Variants in DENND5A observed in about 807,000 individuals in gnomAD.
DENND5A encodes the protein DENN domain containing 5A, also known as DENN domain-containing protein 5A.
Under a neutral mutation model 140.3 loss-of-function variants are expected in DENND5A, and 64 were observed. The observed-to-expected ratio is 0.46, with a 90% CI of 0.37 to 0.56. The LOEUF (loss-of-function observed/expected upper bound fraction) is 0.56. DENND5A is among the 20% of genes least tolerant of loss of function. DENND5A has a pLI of 0.00. For missense variants in DENND5A, 1,292 were observed against 1,593.8 expected, an observed-to-expected ratio of 0.81 and a Z score of 3.22; for synonymous variants, 605 against 607.7, an observed-to-expected ratio of 1.00 and a Z score of 0.07.
rs772665845 is a variant in DENND5A, at chr11:9,144,185, C to G, written c.3216G>C (p.Val1072=). Residue 1072 remains valine (V), a synonymous_variant, in exon 19 of 23, where the codon GTG becomes GTC. Coordinates refer to ENST00000328194, the MANE Select transcript of DENND5A (RefSeq NM_015213.4). ...VGELLTSQPE[V]DERPCRTPPL... ...GCGGGGTCCGGCATGGCCTCTCATCCACCTCAGGCTGGGATGTGAGCAGCT... is the reference window on the plus strand; with the variant it reads ...GCGGGGTCCGGCATGGCCTCTCATCGACCTCAGGCTGGGATGTGAGCAGCT... 3.1e-6 allele frequency: 5 copies of G among 1,614,196 alleles called. No homozygotes were observed. The Admixed American group carries it at 8.3e-5, about 27-fold the overall frequency.
intron 1 of DENND5A, among the ~76,000 whole-genome samples, chr11:9,230,664 C>T (rs1850733759): frequency 6.6e-6 from 1 of 152,014 alleles, no homozygotes; most frequent in Non-Finnish European, 1.5e-5. Flanking sequence ...GCATCTTTTC[C>T]ATAAATCTCA....
intron 1 of DENND5A, among the ~76,000 whole-genome samples, chr11:9,208,595 T>C (rs1291975718): frequency 6.6e-6 from 1 of 152,220 alleles, no homozygotes; most frequent in African/African-American, 2.4e-5. Flanking sequence ...ACTGCTTTTA[T>C]AACTACAATC....
chr11:9,194,754 C>G (rs1353477841), intron 4 of DENND5A, among the ~76,000 whole-genome samples: 4 of 150,062 alleles, frequency 2.7e-5, no homozygotes, highest in Non-Finnish European at 5.9e-5. Context: ...GGGTCTTGCT[C>G]TGTTGCCCAG....
In DENND5A at chr11:9,182,676, C is replaced by T. The variant is rs190048166; in HGVS notation, c.1138-1592G>A. On this transcript the variant is annotated intron_variant, in intron 5 of 22. Transcript: ENST00000328194. ...GCTAGGCACAGAAAGATAAATACCA[C>T]ATGTTCTCACTTGTATGTGGGAGCT... 1.6e-4 allele frequency among the ~76,000 whole-genome samples: 24 copies of T among 152,288 alleles called. No homozygotes were observed. In the East Asian group the frequency reaches 4.4e-3, roughly 28 times the overall value.
Position 9,168,699 on chromosome 11 carries a change from C to T in DENND5A, c.2151+1157G>A, listed in dbSNP as rs750523812. ...GTTGAAGATTCATAACCATATCTTA[C>T]AATTTTAATTTATTCATTAAAAACA... On this transcript the variant is annotated intron_variant, in intron 10 of 22. Transcript: ENST00000328194. Among the ~76,000 whole-genome samples the T allele has an allele frequency of 4.6e-4, 70 of 151,942 alleles. 1 individual carries two copies. Among genetic ancestry groups the T allele is most frequent in the Non-Finnish European group, 1.0e-4 (7 of 68,000 alleles).
chr11:9,161,958 A>G (rs925924285), intron 11 of DENND5A, among the ~76,000 whole-genome samples: 1 of 151,170 alleles, frequency 6.6e-6, no homozygotes, highest in Non-Finnish European at 1.5e-5. Flanking sequence ...GTCCAAAATG[A>G]AACAGCAAAG....
chr11:9,182,526 T>G (rs1028165509), intron 5 of DENND5A, among the ~76,000 whole-genome samples: 2 of 152,216 alleles, frequency 1.3e-5, no homozygotes, highest in Non-Finnish European at 2.9e-5. Flanking sequence ...TTAGCGGTCT[T>G]GTACATTTAA....
intron 1 of DENND5A, among the ~76,000 whole-genome samples, chr11:9,258,803 A>C (rs931235115): frequency 1.3e-5 from 2 of 152,138 alleles, no homozygotes; most frequent in African/African-American, 4.8e-5. Flanking sequence ...TAAAATCAGA[A>C]GGTTATATAA....
chr11:9,159,656 ATGTTTTCACTTATCT>A (rs1414080968), intron 12 of DENND5A, among the ~76,000 whole-genome samples: 1 of 152,140 alleles, frequency 6.6e-6, no homozygotes, highest in African/African-American at 2.4e-5. Flanking sequence ...GTGTAGACAT[ATGTTTTCACTTATCT>A]TGAGTATGTA....
chr11:9,206,733 G>C lies in DENND5A; in HGVS notation c.231C>G (p.Val77=). 1 of 1,613,876 alleles carries C rather than the reference G, an allele frequency of 6.2e-7. No homozygotes were observed. Among genetic ancestry groups the C allele is most frequent in the East Asian group, 2.2e-5 (1 of 44,862 alleles). The change falls in exon 3 of 23, where the codon GTC becomes GTG. Residue 77 remains valine (V), a synonymous_variant. Coordinates refer to ENST00000328194, the MANE Select transcript of DENND5A (RefSeq NM_015213.4). ...TPLRRTFKSK[V]LARYPENVEW... ...CTACGTTCTCAGGATATCGTGCAAG[G>C]ACCTTAGATTTGAATGTTCTTCTCA...
At chr11:9,161,326 C>A (rs1847977362) in intron 11 of DENND5A, among the ~76,000 whole-genome samples, 2 of 149,658 alleles carry the variant, frequency 1.3e-5, no homozygotes, top group Non-Finnish European at 3.0e-5. Flanking sequence ...CCAGCCTGGG[C>A]AACAGAGCGA....
At chr11:9,153,835 T>G (rs1168735600) in intron 12 of DENND5A, among the ~76,000 whole-genome samples, 1 of 152,230 alleles carries the variant, frequency 6.6e-6, no homozygotes, top group Non-Finnish European at 1.5e-5. Context: ...ATGTAGCAAT[T>G]TGTCATTTTG....
chr11:9,188,821 G>A (rs1345389444), intron 5 of DENND5A, among the ~76,000 whole-genome samples: 2 of 152,174 alleles, frequency 1.3e-5, no homozygotes, highest in Non-Finnish European at 2.9e-5. Context: ...TTTTAAAAGG[G>A]AAACAGAGCA....
rs370347590 is a variant in DENND5A at position 9,147,112 on chromosome 11, G to A, written c.2775C>T (p.Asp925=). 48 of 1,613,912 alleles carry A rather than the reference G, an allele frequency of 3.0e-5. No homozygotes were observed. The highest frequency in any genetic ancestry group is 2.2e-4 in the East Asian group (10 of 44,900). ...GGTGATAGAGGAACTGCTCCTTCTC[G>A]TCATCACAGCGCAGGAAGGCATAGC... ...YKRYAFLRCD[D]EKEQFLYHLL... The change falls in exon 16 of 23, where the codon GAC becomes GAT. Residue 925 remains aspartate (D), a synonymous_variant. Transcript: ENST00000328194.
chr11:9,189,891 C>T (rs369785462), intron 5 of DENND5A, among the ~76,000 whole-genome samples: 38 of 152,308 alleles, frequency 2.5e-4, no homozygotes, highest in Middle Eastern at 3.4e-3. Flanking sequence ...CCACCTGCCT[C>T]GGCCTCCCAA....
chr11:9,192,122 G>A (rs1406893747), intron 5 of DENND5A, among the ~76,000 whole-genome samples: 1 of 152,116 alleles, frequency 6.6e-6, no homozygotes, highest in Non-Finnish European at 1.5e-5. Flanking sequence ...GGAAGACAAG[G>A]AAGACATTTT....
At chr11:9,140,368 G>A (rs2136107647) in intron 22 of DENND5A, 1 of 454,626 alleles carries the variant, frequency 2.2e-6, no homozygotes, top group East Asian at 7.0e-5. Flanking sequence ...CTTGAGATCT[G>A]AACCTAGTGA....
chr11:9,139,518 ATTAT>A lies in DENND5A; in HGVS notation c.*149_*152del, dbSNP rs781000345. 8 of 684,930 alleles carry A rather than the reference ATTAT, an allele frequency of 1.2e-5. No individual in the cohort carries two copies. Among genetic ancestry groups the A allele is most frequent in the East Asian group, 2.7e-5 (1 of 36,442 alleles). The allele number at this position is 684,930 out of a possible 1,614,324, so 42.4% of individuals were successfully genotyped here. ...AATCAGCAAATAAACTCTAAAATAG[ATTAT>A]TTATTCCAAAAATCCTCTAGTTTTC... On this transcript the variant is annotated 3_prime_UTR_variant, in exon 23 of 23. Coordinates refer to ENST00000328194, the MANE Select transcript of DENND5A (RefSeq NM_015213.4).
Position 9,143,465 on chromosome 11 carries a change from G to C in DENND5A, c.3325C>G (p.Gln1109Glu). The C allele has an allele frequency of 6.2e-7, 1 of 1,614,094 alleles. No homozygotes were observed. Among genetic ancestry groups the C allele is most frequent in the Non-Finnish European group, 8.5e-7 (1 of 1,179,962 alleles). The change falls in exon 20 of 23, where the codon CAG becomes GAG. Residue 1109 changes from glutamine (Q) to glutamate (E), a missense_variant. Transcript: ENST00000328194. ...NKPKLNTGQI[Q>E]ESIGEAVNGI... The stretch of plus-strand genomic sequence containing the variant: ...TTGACTGCCTCCCCGATGGACTCCT[G>C]GATCTGCCCAGTGTTCAGCTCTAAT...
Sources: allele counts gnomAD v4.1 joint callset (sites outside exome capture counted in the v4.1 genomes callset), GRCh38; gene constraint gnomAD v4.1.1; transcripts MANE v1.5; gene names NCBI Gene and HGNC (gene_info 2026-07-23, HGNC 2026-07-21).